MFSD2B: variants seen among roughly 807,000 people sequenced by gnomAD.
The protein encoded by MFSD2B is sphingosine-1-phosphate transporter MFSD2B.
A neutral mutation model predicts 58.4 loss-of-function variants in MFSD2B; 56 were observed. The observed-to-expected ratio is 0.96, with a 90% CI of 0.77 to 1.20. The LOEUF (loss-of-function observed/expected upper bound fraction) is 1.20, where lower values mean the gene tolerates loss of function less well. Among genes scored for constraint, MFSD2B ranks in the 50% most tolerant of loss-of-function variants. MFSD2B has a pLI of 0.00. For synonymous variants in MFSD2B, 287 were observed against 294.4 expected (o/e 0.97, Z 0.26); for missense variants, 645 against 667.6 (o/e 0.97, Z 0.37).
Position 24,024,355 on chromosome 2 carries a change from T to A in MFSD2B, c.1490+84T>A. The A allele has an allele frequency of 7.2e-7, 1 of 1,382,840 alleles. No individual in the cohort carries two copies. Among genetic ancestry groups the A allele is most frequent in the Non-Finnish European group, 9.8e-7 (1 of 1,016,122 alleles). 85.7% of individuals were successfully genotyped at this position (1,382,840 alleles called of 1,614,324 possible). ...ACTAACACCAGCCTGCAGACATCCC[T>A]GCTGTGTCACACAGTCCTGCCTCTG... On this transcript the variant is annotated intron_variant, in intron 13 of 13. Coordinates refer to ENST00000338315, the MANE Select transcript of MFSD2B (RefSeq NM_001346880.2). This position sits in a 1 kb window ranked among gnomAD's most constrained non-coding sequence, Gnocchi z 4.3.
rs72852403 is a variant in MFSD2B at position 24,024,445 on chromosome 2, C to T, written c.1490+174C>T. 0.023 allele frequency among the ~76,000 whole-genome samples: 3,451 copies of T among 152,246 alleles called. 134 individuals carry two copies. Among genetic ancestry groups the T allele is most frequent in the African/African-American group, 0.079 (3,293 of 41,516 alleles). ...GATTTTCTTCTCCCACTCTGGCCAC[C>T]CCTTCTCAGTCTTCTTCCTTTGATC... On this transcript the variant is annotated intron_variant, in intron 13 of 13. Transcript: ENST00000338315. The surrounding 1 kb of genome is among the most constrained non-coding windows in gnomAD (Gnocchi z 4.3).
In MFSD2B at chr2:24,017,295, G is replaced by T. The variant is rs766144852; in HGVS notation, c.481G>T (p.Val161Leu). The change falls in exon 5 of 14, where the codon GTG (valine) becomes TTG (leucine). Residue 161 changes from valine to leucine, a missense_variant. By Grantham distance (32) the Val-to-Leu change is conservative. Transcript: ENST00000338315. The surrounding 1 kb of genome is among the most constrained non-coding windows in gnomAD (Gnocchi z 4.8). ...LFQALATFFQ[V>L]PYTALTMLLT... The stretch of plus-strand genomic sequence containing the variant: ...TCTGCCGACGCCCCAGTTCTTCCAG[G>T]TGCCCTACACAGCGCTCACCATGCT... 3 of 1,601,622 alleles carry T rather than the reference G, an allele frequency of 1.9e-6. No homozygotes were observed. Among genetic ancestry groups the T allele is most frequent in the Non-Finnish European group, 1.7e-6 (2 of 1,174,778 alleles).
chr2:24,019,396 T>C (rs1427287329), intron 6 of MFSD2B, among the ~76,000 whole-genome samples: 1 of 151,960 alleles, frequency 6.6e-6, no homozygotes, highest in Non-Finnish European at 1.5e-5. Context: ...ATGAGAAGAA[T>C]ACCAGTAATA....
rs769853015 is a variant in MFSD2B, at chr2:24,021,928, G to A, written c.852G>A (p.Leu284=). The A allele has an allele frequency of 1.2e-6, 2 of 1,614,042 alleles. No individual in the cohort carries two copies. The highest frequency in any genetic ancestry group is 1.1e-5 in the South Asian group (1 of 91,080). The change falls in exon 8 of 14, where the codon CTG becomes CTA. Residue 284 remains leucine (L), a synonymous_variant. Transcript: ENST00000338315. This position sits in a 1 kb window ranked among gnomAD's most constrained non-coding sequence, Gnocchi z 5.7. ...LSLTTRHPPY[L]KLVISFLFIS... ...TCACTACCCGGCACCCACCCTACCT[G>A]AAGCTGGTGATCTCCTTCCTGTTCA...
At position 24,024,155 on chromosome 2, in the gene MFSD2B, A is replaced by G. The variant is rs1294990679; in HGVS notation, c.1374A>G (p.Lys458=). The part of the protein sequence containing the change: ...KQAEEVVVTL[K]VLIGAVPTCM... ...CAGAGGAGGTGGTGGTCACCCTCAA[A>G]GTCCTCATTGGCGCCGTGCCCACCT... Residue 458 remains lysine (K), a synonymous_variant, in exon 13 of 14, where the codon AAA becomes AAG. Transcript: ENST00000338315. This position sits in a 1 kb window ranked among gnomAD's most constrained non-coding sequence, Gnocchi z 4.3. 6.2e-7 allele frequency: 1 copy of G among 1,613,870 alleles called. No homozygotes were observed. The highest frequency in any genetic ancestry group is 1.7e-5 in the Admixed American group (1 of 60,010).
rs571756001 is a variant in MFSD2B at position 24,016,904 on chromosome 2, C to G, written c.407C>G (p.Pro136Arg). The change falls in exon 4 of 14, where the codon CCC becomes CGC. Residue 136 changes from proline (P) to arginine (R), a missense_variant. By Grantham distance (103) the Pro-to-Arg change is moderately radical. Transcript: ENST00000338315. The part of the protein sequence containing the change: ...LAYFFLWFLP[P>R]FTSLRGLWYT... ...TACTTCTTCCTGTGGTTCCTGCCCC[C>G]CTTCACCAGCCTGCGAGGCCTCTGG... The G allele has an allele frequency of 3.7e-6, 6 of 1,613,928 alleles. No homozygotes were observed. The Admixed American group carries it at 8.3e-5, about 22-fold the overall frequency.
intron 2 of MFSD2B, among the ~76,000 whole-genome samples, chr2:24,014,179 T>G (rs1573632940): frequency 6.6e-6 from 1 of 152,146 alleles, no homozygotes; most frequent in Admixed American, 6.5e-5. Flanking sequence ...GCCTGGCTAA[T>G]TTTTTGTATT....
At position 24,025,621 on chromosome 2, in the gene MFSD2B, C is replaced by G; in HGVS notation, c.*165C>G. The G allele has an allele frequency of 1.6e-6, 1 of 636,670 alleles. No homozygotes were observed. The allele number at this position is 636,670 out of a possible 1,614,324, so 39.4% of individuals were successfully genotyped here. On this transcript the variant is annotated 3_prime_UTR_variant, in exon 14 of 14. Coordinates refer to ENST00000338315, the MANE Select transcript of MFSD2B (RefSeq NM_001346880.2). ...GTCCTGAAGGGACTGGCCCGCACTC[C>G]AGGACCCCACTTGGCATTTCTTGTC...
At chr2:24,018,645 T>C (rs1452285552) in intron 6 of MFSD2B, 1 of 179,992 alleles carries the variant, frequency 5.6e-6, no homozygotes, top group Non-Finnish European at 1.2e-5. Flanking sequence ...GTAGCCATGA[T>C]TTATCCCAGC....
At chr2:24,013,046 C>T in intron 1 of MFSD2B, 1 of 372,430 alleles carries the variant, frequency 2.7e-6, no homozygotes, top group Non-Finnish European at 4.8e-6. Context: ...GCAGGAAGCC[C>T]AGGGTAAGAT....
intron 6 of MFSD2B, among the ~76,000 whole-genome samples, chr2:24,019,437 T>C (rs1662673759): frequency 6.6e-6 from 1 of 151,850 alleles, no homozygotes; most frequent in Non-Finnish European, 1.5e-5. Context: ...CAAGAAAATG[T>C]TACAGCCAGG....
At chr2:24,016,770 GT>G (rs1709159637) in intron 3 of MFSD2B, 74 bp from the exon 4 acceptor site, 1 of 1,565,300 alleles carries the variant, frequency 6.4e-7, no homozygotes, top group Non-Finnish European at 8.6e-7. Context: ...AAGGGGTGGG[GT>G]TCCTCCAGGC....
chr2:24,013,512 C>T (rs994239064), intron 2 of MFSD2B, 102 bp downstream of exon 2: 1 of 1,237,296 alleles, frequency 8.1e-7, no homozygotes, highest in South Asian at 1.9e-5. Flanking sequence ...GTAGACAGCA[C>T]TTCTGACACG....
Position 24,024,016 on chromosome 2 carries a change from G to GGGTGA in MFSD2B, c.1314-74_1314-70dup. ...CCACGTTTCAGGAGGGGGTGGGGTG[G>GGGTGA]GGTGAGGTGTCGAGTCCCTCCACCC... On this transcript the variant is annotated intron_variant, in intron 12 of 13. Transcript: ENST00000338315. This position sits in a 1 kb window ranked among gnomAD's most constrained non-coding sequence, Gnocchi z 4.3. The GGGTGA allele has an allele frequency of 5.0e-6, 7 of 1,410,600 alleles. No individual in the cohort carries two copies. Among genetic ancestry groups the GGGTGA allele is most frequent in the Non-Finnish European group, 6.9e-6 (7 of 1,017,620 alleles). The allele number at this position is 1,410,600 out of a possible 1,614,324, so 87.4% of individuals were successfully genotyped here.
intron 3 of MFSD2B, 30 bp from the exon 4 acceptor site, chr2:24,016,815 G>T: frequency 1.9e-6 from 3 of 1,609,972 alleles, no homozygotes; most frequent in Non-Finnish European, 2.5e-6. Flanking sequence ...TGGGTCGGGG[G>T]GCCGCTCCAC....
intron 1 of MFSD2B, among the ~76,000 whole-genome samples, chr2:24,010,734 C>T (rs1388805590): frequency 6.6e-6 from 1 of 152,180 alleles, no homozygotes; most frequent in Non-Finnish European, 1.5e-5. Flanking sequence ...CCGATGCCGC[C>T]GGGCCGTGCT....
Position 24,017,563 on chromosome 2 carries a change from G to A in MFSD2B, c.656G>A (p.Gly219Glu). The change falls in exon 6 of 14, where the codon GGG becomes GAG. Residue 219 changes from glycine to glutamate, a missense_variant. Coordinates refer to ENST00000338315, the MANE Select transcript of MFSD2B (RefSeq NM_001346880.2). This position sits in a 1 kb window ranked among gnomAD's most constrained non-coding sequence, Gnocchi z 4.8. Reference sequence around the variant, plus strand: ...AGGTGCGAGGCCACTGCGACCCCGGGGCCAGTCACTGTCTCCCCGAATGCA... The same window carrying A: ...AGGTGCGAGGCCACTGCGACCCCGGAGCCAGTCACTGTCTCCCCGAATGCA... ...PHRCEATATPGPVTVSPNAAH... is the reference protein window; with the variant it reads ...PHRCEATATPEPVTVSPNAAH... The A allele has an allele frequency of 6.4e-7, 1 of 1,562,344 alleles. No homozygotes were observed. The highest frequency in any genetic ancestry group is 8.7e-7 in the Non-Finnish European group (1 of 1,153,562).
In MFSD2B at chr2:24,017,300, C is replaced by T. The variant is rs763805913; in HGVS notation, c.486C>T (p.Pro162=). 4 of 1,602,910 alleles carry T rather than the reference C, an allele frequency of 2.5e-6. No individual in the cohort carries two copies. Among genetic ancestry groups the T allele is most frequent in the Non-Finnish European group, 3.4e-6 (4 of 1,175,390 alleles). The change falls in exon 5 of 14, where the codon CCC becomes CCT. Residue 162 remains proline, a synonymous_variant. Transcript: ENST00000338315. The surrounding 1 kb of genome is among the most constrained non-coding windows in gnomAD (Gnocchi z 4.8). ...CGACGCCCCAGTTCTTCCAGGTGCC[C>T]TACACAGCGCTCACCATGCTGCTGA... is the stretch of plus-strand genomic sequence containing the variant. The part of the protein sequence containing the change: ...FQALATFFQV[P]YTALTMLLTP...
rs1341321992 is a variant in MFSD2B at position 24,026,648 on chromosome 2, C to T, written c.*1192C>T. On this transcript the variant is annotated 3_prime_UTR_variant, in exon 14 of 14. Coordinates refer to ENST00000338315, the MANE Select transcript of MFSD2B (RefSeq NM_001346880.2). ...TAGGTTGGTGAACACATCCATGTAC[C>T]AGGAGGTCTACCCCACTCCACGGGG... 6.6e-6 allele frequency: 1 copy of T among 152,176 alleles called. No homozygotes were observed. Among genetic ancestry groups the T allele is most frequent in the African/African-American group, 2.4e-5 (1 of 41,436 alleles). The allele number at this position is 152,176 out of a possible 1,614,324, so 9.4% of individuals were successfully genotyped here.
Sources: gnomAD v4.1 joint callset for allele counts (sites outside exome capture counted in the v4.1 genomes callset) on GRCh38, gnomAD v4.1.1 for gene constraint, Gnocchi (gnomAD v3.1) non-coding constraint, MANE v1.5 for transcripts, NCBI Gene and HGNC (gene_info 2026-07-23, HGNC 2026-07-21) for gene names.